Variants in DYM observed in about 807,000 individuals in gnomAD.
The protein encoded by DYM is dyggve-Melchior-Clausen syndrome protein.
DYM carries 78 observed loss-of-function variants against 93.1 expected under a neutral mutation model. That is an observed-to-expected ratio of 0.84 (90% confidence interval 0.70 to 1.01). The LOEUF (loss-of-function observed/expected upper bound fraction) is 1.01. DYM is among the 50% of genes least tolerant of loss of function. The pLI is 0.00. For missense variants in DYM, 789 were observed against 845.0 expected, an observed-to-expected ratio of 0.93 and a Z score of 0.82; for synonymous variants, 321 against 319.7, an observed-to-expected ratio of 1.00 and a Z score of -0.04.
At chr18:49,417,108 A>T (rs1350655605) in intron 2 of DYM, among the ~76,000 whole-genome samples, 6 of 152,128 alleles carry the variant, frequency 3.9e-5, no homozygotes, top group Non-Finnish European at 8.8e-5. Context: ...TAGTACAAGA[A>T]GTCACTTCTA....
chr18:49,352,695 C>T (rs898527143), intron 6 of DYM, among the ~76,000 whole-genome samples: 11 of 152,106 alleles, frequency 7.2e-5, no homozygotes, highest in African/African-American at 2.7e-4. Context: ...CATCAATAAA[C>T]CTAACTTTTA....
chr18:49,324,924 A>AT (rs926178458), intron 8 of DYM, among the ~76,000 whole-genome samples: 2 of 152,204 alleles, frequency 1.3e-5, no homozygotes, highest in African/African-American at 2.4e-5. Flanking sequence ...AGGTAATGAG[A>AT]TTTTAAATGC....
In DYM at chr18:49,303,371, A is replaced by T. The variant is rs572000713; in HGVS notation, c.764-16755T>A. ...GATTTTAAAGAAGAAAACGAGCAGG[A>T]ATGTCATTCTAATACTGTATAATGA... On this transcript the variant is annotated intron_variant, in intron 8 of 17. Coordinates refer to ENST00000675505, the MANE Select transcript of DYM (RefSeq NM_001353214.3). Among the ~76,000 whole-genome samples, 3 of 152,334 alleles carry T rather than the reference A, an allele frequency of 2.0e-5. No individual in the cohort carries two copies. The East Asian group carries it at 5.8e-4, about 29-fold the overall frequency.
At chr18:49,130,027 G>T (rs1315910642) in intron 15 of DYM, among the ~76,000 whole-genome samples, 1 of 152,094 alleles carries the variant, frequency 6.6e-6, no homozygotes, top group African/African-American at 2.4e-5. Context: ...TTGGGTTCAG[G>T]ATCCTATACG....
chr18:49,307,786 C>G (rs761879254), intron 8 of DYM, among the ~76,000 whole-genome samples: 1 of 152,214 alleles, frequency 6.6e-6, no homozygotes, highest in South Asian at 2.1e-4. Context: ...CCCTAACATC[C>G]TTCCTTTGAA....
At chr18:49,418,643 G>A (rs967698726) in intron 2 of DYM, among the ~76,000 whole-genome samples, 1 of 152,170 alleles carries the variant, frequency 6.6e-6, no homozygotes, top group Non-Finnish European at 1.5e-5. Context: ...GACTTTACTT[G>A]AAGACGGCAC....
chr18:49,395,276 G>A (rs2069907900), intron 2 of DYM, among the ~76,000 whole-genome samples: 1 of 150,998 alleles, frequency 6.6e-6, no homozygotes, highest in South Asian at 2.1e-4. Flanking sequence ...GGAACTCAAT[G>A]GCAAAAAAAA....
rs536113679 is a variant in DYM, at chr18:49,132,974, A to T, written c.1729-14048T>A. Among the ~76,000 whole-genome samples the T allele has an allele frequency of 2.3e-3, 352 of 152,336 alleles. 2 individuals are homozygous for T. The highest frequency in any genetic ancestry group is 3.1e-3 in the Non-Finnish European group (212 of 68,018). ...AATGTACAATAGACACAAACACACA[A>T]TTTACCAAAGATAAAATATTAAAAT... is the stretch of plus-strand genomic sequence containing the variant. On this transcript the variant is annotated intron_variant, in intron 15 of 17. Coordinates refer to ENST00000675505, the MANE Select transcript of DYM (RefSeq NM_001353214.3).
At position 49,039,576 on chromosome 18, in the gene DYM, C is replaced by T. The variant is rs2070828558; in HGVS notation, c.*4479G>A. Among the ~76,000 whole-genome samples the T allele has an allele frequency of 1.3e-5, 2 of 151,778 alleles. No individual in the cohort carries two copies. The highest frequency in any genetic ancestry group is 2.9e-5 in the Non-Finnish European group (2 of 67,940). On this transcript the variant is annotated 3_prime_UTR_variant, in exon 18 of 18. Transcript: ENST00000675505. ...TCACTGTACCCTTTAAGTCTCTTAC[C>T]CTCTATTCTCCATGTTCTGTTTTTT... is the stretch of plus-strand genomic sequence containing the variant.
chr18:49,114,857 G>C (rs1163238853), intron 16 of DYM, among the ~76,000 whole-genome samples: 1 of 152,134 alleles, frequency 6.6e-6, no homozygotes, highest in Non-Finnish European at 1.5e-5. Context: ...ATGGAATAAA[G>C]ACTGATTTGA....
intron 17 of DYM, among the ~76,000 whole-genome samples, chr18:49,081,097 G>A (rs1300681932): frequency 6.6e-6 from 1 of 150,878 alleles, no homozygotes; most frequent in Non-Finnish European, 1.5e-5. Flanking sequence ...CTTCCCAGAC[G>A]GGGTGGCGGC....
At chr18:49,202,965 C>G (rs1409055770) in intron 14 of DYM, among the ~76,000 whole-genome samples, 2 of 117,848 alleles carry the variant, frequency 1.7e-5, no homozygotes, top group African/African-American at 3.2e-5. Flanking sequence ...GGGGTCAGCC[C>G]CCCCGCCCGG....
At chr18:49,171,662 A>G (rs914620381) in intron 14 of DYM, among the ~76,000 whole-genome samples, 75 of 152,284 alleles carry the variant, frequency 4.9e-4, no homozygotes, top group African/African-American at 1.7e-3. Flanking sequence ...TCATGCTCTC[A>G]TCTGTAGACA....
intron 16 of DYM, among the ~76,000 whole-genome samples, chr18:49,103,274 G>C (rs1599762199): frequency 1.3e-5 from 2 of 152,092 alleles, no homozygotes; most frequent in East Asian, 3.9e-4. Context: ...TTTTTTTCTT[G>C]TAAATTTGTT....
At chr18:49,111,935 C>T (rs1411584387) in intron 16 of DYM, among the ~76,000 whole-genome samples, 6 of 152,182 alleles carry the variant, frequency 3.9e-5, no homozygotes, top group Non-Finnish European at 8.8e-5. Context: ...TGCCCTGTAT[C>T]TGTGATGAGT....
chr18:49,149,436 A>C (rs1267935387), intron 15 of DYM, among the ~76,000 whole-genome samples: 1 of 152,096 alleles, frequency 6.6e-6, no homozygotes, highest in Non-Finnish European at 1.5e-5. Flanking sequence ...ATGCACTGCT[A>C]CCTTCCAATT....
intron 15 of DYM, among the ~76,000 whole-genome samples, chr18:49,130,358 A>G (rs552341632): frequency 6.6e-6 from 1 of 152,330 alleles, no homozygotes; most frequent in African/African-American, 2.4e-5. Context: ...TCCCATTAAT[A>G]GTCTAAAAGC....
At chr18:49,233,153 G>A (rs936553906) in intron 13 of DYM, among the ~76,000 whole-genome samples, 25 of 151,760 alleles carry the variant, frequency 1.6e-4, no homozygotes, top group African/African-American at 5.3e-4. Flanking sequence ...CCTGAGGTCA[G>A]GAGTTGAGAC....
chr18:49,335,215 G>T (rs144833501), intron 6 of DYM, among the ~76,000 whole-genome samples: 3 of 152,326 alleles, frequency 2.0e-5, no homozygotes, highest in African/African-American at 7.2e-5. Context: ...GTTGAATAAA[G>T]CTCAGCTCTA....
Sources: gnomAD v4.1 joint callset for allele counts (sites outside exome capture counted in the v4.1 genomes callset) on GRCh38, gnomAD v4.1.1 for gene constraint, MANE v1.5 for transcripts, NCBI Gene and HGNC (gene_info 2026-07-23, HGNC 2026-07-21) for gene names.